The following LINGO2 variants were observed in gnomAD, a reference collection of about 807,000 sequenced individuals.
The protein encoded by LINGO2 is leucine rich repeat and Ig domain containing 2, also known as leucine-rich repeat and immunoglobulin-like domain-containing nogo receptor-interacting protein 2.
LINGO2 carries 14 observed loss-of-function variants against 30.6 expected under a neutral mutation model. The observed-to-expected ratio is 0.46, with a 90% CI of 0.30 to 0.72. The LOEUF is 0.72. Ranked by LOEUF, LINGO2 falls within the 30% of genes least tolerant of loss-of-function variation. The pLI, the probability that LINGO2 is intolerant of heterozygous loss-of-function variation, is 0.07. For missense variants in LINGO2, 729 were observed against 751.7 expected (o/e 0.97, Z 0.35); for synonymous variants, 317 against 288.5 (o/e 1.10, Z -1.00).
chr9:28,652,525 T>A (rs1291149442), intron 1 of LINGO2, among the ~76,000 whole-genome samples: 2 of 152,018 alleles, frequency 1.3e-5, no homozygotes. Flanking sequence ...TACATACAGG[T>A]TCATGCTATG....
chr9:28,160,310 G>A (rs1218829142), intron 4 of LINGO2, among the ~76,000 whole-genome samples: 1 of 152,130 alleles, frequency 6.6e-6, no homozygotes, highest in Admixed American at 6.6e-5. Context: ...TCTGTGAGAT[G>A]TCTCCCTCAT....
intron 4 of LINGO2, among the ~76,000 whole-genome samples, chr9:28,204,659 G>T (rs992277735): frequency 6.6e-6 from 1 of 151,926 alleles, no homozygotes; most frequent in African/African-American, 2.4e-5. Context: ...AGTATCATTT[G>T]GATTAGTTAC....
chr9:28,637,852 C>T (rs1393405045), intron 1 of LINGO2, among the ~76,000 whole-genome samples: 2 of 152,138 alleles, frequency 1.3e-5, no homozygotes, highest in Non-Finnish European at 2.9e-5. Context: ...GAACTTCCAA[C>T]ACTATGTTGA....
chr9:28,899,370 G>A, the LINGO2 span, among the ~76,000 whole-genome samples: 1 of 152,108 alleles, frequency 6.6e-6, no homozygotes, highest in Non-Finnish European at 1.5e-5. Context: ...CCCAGTTCCA[G>A]GCCAATCCCC....
intron 4 of LINGO2, among the ~76,000 whole-genome samples, chr9:28,133,657 G>A (rs572645654): frequency 7.9e-5 from 12 of 152,104 alleles, no homozygotes; most frequent in Admixed American, 2.6e-4. Context: ...GCTTGGAGGC[G>A]GGGTTCATAG....
At chr9:28,241,424 G>T (rs4269622) in intron 4 of LINGO2, among the ~76,000 whole-genome samples, 29,291 of 151,956 alleles carry the variant, frequency 0.19, 3,158 homozygotes, top group East Asian at 0.33. Flanking sequence ...CGAGGTATCA[G>T]GGTTCTGTCA....
intron 5 of LINGO2, among the ~76,000 whole-genome samples, chr9:27,991,907 A>T (rs1485429780): frequency 3.3e-5 from 5 of 152,076 alleles, no homozygotes; most frequent in Non-Finnish European, 5.9e-5. Context: ...AAAAATGTGC[A>T]TTTGATCCCA....
chr9:28,938,072 G>C, the LINGO2 span, among the ~76,000 whole-genome samples: 2 of 152,138 alleles, frequency 1.3e-5, no homozygotes, highest in African/African-American at 2.4e-5. Context: ...AAAGAATAAG[G>C]CATATTTTGC....
At chr9:29,146,058 A>C in the LINGO2 span, among the ~76,000 whole-genome samples, 1 of 152,224 alleles carries the variant, frequency 6.6e-6, no homozygotes, top group Non-Finnish European at 1.5e-5. Flanking sequence ...TGTAAAGGTC[A>C]GTTATCAATT....
chr9:28,343,429 T>G (rs1044629314), intron 3 of LINGO2, among the ~76,000 whole-genome samples: 2 of 152,184 alleles, frequency 1.3e-5, no homozygotes, highest in African/African-American at 4.8e-5. Flanking sequence ...TTGAAATTAG[T>G]ATAAAAATAC....
the LINGO2 span, among the ~76,000 whole-genome samples, chr9:29,051,013 G>A: frequency 6.6e-6 from 1 of 151,952 alleles, no homozygotes; most frequent in Non-Finnish European, 1.5e-5. Flanking sequence ...ACATTTTTAG[G>A]CTACTTTTAT....
chr9:28,027,561 T>A lies in LINGO2; in HGVS notation c.-86-15156A>T, dbSNP rs181682889. Reference sequence around the variant, plus strand: ...GCATGTAAGGTGCAAGTCTGTCTAATCCTACAGGTGGAGGCAGACAACCCA... The same window carrying A: ...GCATGTAAGGTGCAAGTCTGTCTAAACCTACAGGTGGAGGCAGACAACCCA... On this transcript the variant is annotated intron_variant, in intron 4 of 5. Transcript: ENST00000379992. Among the ~76,000 whole-genome samples the A allele has an allele frequency of 3.0e-3, 450 of 152,296 alleles. 2 individuals carry two copies. Among genetic ancestry groups the A allele is most frequent in the Non-Finnish European group, 4.0e-3 (275 of 68,028 alleles).
At chr9:27,963,827 G>A (rs79461292) in intron 5 of LINGO2, among the ~76,000 whole-genome samples, 7,195 of 151,558 alleles carry the variant, frequency 0.047, 309 homozygotes, top group Admixed American at 0.1. Flanking sequence ...TCTAAAAACT[G>A]TAACTTCAGA....
the LINGO2 span, among the ~76,000 whole-genome samples, chr9:29,198,982 A>C: frequency 6.6e-6 from 1 of 151,858 alleles, no homozygotes; most frequent in Non-Finnish European, 1.5e-5. Flanking sequence ...AATAGGCTAC[A>C]TTAGGCTGTG....
At chr9:28,987,037 G>A in the LINGO2 span, among the ~76,000 whole-genome samples, 1 of 139,890 alleles carries the variant, frequency 7.1e-6, no homozygotes, top group Non-Finnish European at 1.5e-5. Context: ...TTTGTATCCT[G>A]TAATATTATT....
At chr9:28,333,053 C>A (rs1268284795) in intron 3 of LINGO2, among the ~76,000 whole-genome samples, 5 of 152,112 alleles carry the variant, frequency 3.3e-5, no homozygotes, top group Admixed American at 6.5e-5. Context: ...TTTTACGGAT[C>A]AAAATCCAGC....
At chr9:29,070,268 T>C in the LINGO2 span, among the ~76,000 whole-genome samples, 1 of 152,136 alleles carries the variant, frequency 6.6e-6, no homozygotes, top group South Asian at 2.1e-4. Context: ...ATCACTCTAC[T>C]GCCCAGTTAG....
chr9:28,883,708 T>C, the LINGO2 span, among the ~76,000 whole-genome samples: 2 of 141,508 alleles, frequency 1.4e-5, no homozygotes, highest in African/African-American at 5.2e-5. Flanking sequence ...GATGGAGTCT[T>C]GCTTTGTCAC....
chr9:28,024,683 A>G (rs1196913167), intron 4 of LINGO2, among the ~76,000 whole-genome samples: 1 of 152,252 alleles, frequency 6.6e-6, no homozygotes, highest in East Asian at 1.9e-4. Context: ...TGTAACCAAC[A>G]AGTGAGTTCC....
Sources: gnomAD v4.1 joint callset for allele counts (sites outside exome capture counted in the v4.1 genomes callset) on GRCh38, gnomAD v4.1.1 for gene constraint, MANE v1.5 for transcripts, NCBI Gene and HGNC (gene_info 2026-07-23, HGNC 2026-07-21) for gene names.